PLAGL1: variants seen among roughly 807,000 people sequenced by gnomAD.
PLAGL1 encodes zinc finger protein PLAGL1.
Under a neutral mutation model 4.6 loss-of-function variants are expected in PLAGL1, and 1 was observed. The ratio of observed to expected loss-of-function variants is 0.22; its 90% CI spans 0.08 to 1.03. The LOEUF (loss-of-function observed/expected upper bound fraction) is 1.03. PLAGL1 is among the 50% of genes least tolerant of loss of function. The probability of loss-of-function intolerance (pLI) is 0.58; values close to 1 mark genes in which losing one functional copy is unlikely to be tolerated. For synonymous variants in PLAGL1, 240 were observed against 237.8 expected (o/e 1.01, Z -0.08); for missense variants, 464 against 570.4 (o/e 0.81, Z 1.90).
intron 1 of PLAGL1, among the ~76,000 whole-genome samples, chr6:144,054,744 G>A (rs547802775): frequency 7.6e-4 from 108 of 141,828 alleles, no homozygotes; most frequent in Non-Finnish European, 1.2e-3. Context: ...CATGTATCCC[G>A]GAGCATAAAA....
At chr6:144,010,105 C>T (rs368957021), upstream of PLAGL1, among the ~76,000 whole-genome samples, 5 of 152,132 alleles carry the variant, frequency 3.3e-5, no homozygotes, top group African/African-American at 4.8e-5. The surrounding 1 kb of genome is among the most constrained non-coding windows in gnomAD (Gnocchi z 4.1). Context: ...CTGTCTTCCA[C>T]GATGGTTGAA....
rs9496840 is a variant in PLAGL1, at chr6:144,022,671, A to G, written c.-151+41797T>C. On this transcript the variant is annotated intron_variant, in intron 1 of 3. Transcript: ENST00000437412. The surrounding 1 kb of genome is among the most constrained non-coding windows in gnomAD (Gnocchi z 4.2). ...TCACCAGATCTGATGGTTTTATGAA[A>G]GGGAGTTCCCTTGCACAAGCTCTCT... 0.84 allele frequency among the ~76,000 whole-genome samples: 127,110 copies of G among 152,156 alleles called. 53,195 individuals carry two copies. Among genetic ancestry groups the G allele is most frequent in the Non-Finnish European group, 0.87 (59,041 of 67,980 alleles).
In PLAGL1 at chr6:144,022,968, C is replaced by A. The variant is rs1247327810; in HGVS notation, c.-151+41500G>T. Among the ~76,000 whole-genome samples the A allele has an allele frequency of 1.3e-5, 2 of 152,132 alleles. No individual in the cohort carries two copies. On this transcript the variant is annotated intron_variant, in intron 1 of 3. Transcript: ENST00000437412. This position sits in a 1 kb window ranked among gnomAD's most constrained non-coding sequence, Gnocchi z 4.2. ...TTATAGCAGCTTTACTCATAATTGCCAAAAACTGGGAGCAACCACAATGTC... is the reference window on the plus strand; with the variant it reads ...TTATAGCAGCTTTACTCATAATTGCAAAAAACTGGGAGCAACCACAATGTC...
rs1417678423 is a variant in PLAGL1 at position 143,950,725 on chromosome 6, C to T, written c.-324-2265G>A. Among the ~76,000 whole-genome samples, 3 of 152,154 alleles carry T rather than the reference C, an allele frequency of 2.0e-5. No individual in the cohort carries two copies. Among genetic ancestry groups the T allele is most frequent in the East Asian group, 3.9e-4 (2 of 5,194 alleles). On this transcript the variant is annotated intron_variant, in intron 6 of 7. Transcript: ENST00000674357. This position sits in a 1 kb window ranked among gnomAD's most constrained non-coding sequence, Gnocchi z 6.3. ...ACCTACTTAACACCCTGCATATACA[C>T]TTTTCTCAACTTATCTCAGTAAGTT...
rs1323562625 is a variant in PLAGL1 at position 143,953,830 on chromosome 6, T to C, written c.-324-5370A>G. ...GCATCTACCATATGTCTCTGCAATT[T>C]GGTACAGTAGGTACTTCTGGAAGTG... On this transcript the variant is annotated intron_variant, in intron 6 of 7. Coordinates refer to ENST00000674357, the MANE Select transcript of PLAGL1 (RefSeq NM_001317162.2). This position sits in a 1 kb window ranked among gnomAD's most constrained non-coding sequence, Gnocchi z 5.3. Among the ~76,000 whole-genome samples, 1 of 152,222 alleles carries C rather than the reference T, an allele frequency of 6.6e-6. No individual in the cohort carries two copies. The highest frequency in any genetic ancestry group is 1.5e-5 in the Non-Finnish European group (1 of 68,028).
rs1404271721 is a variant in PLAGL1 at position 144,004,835 on chromosome 6, A to C, written c.-584+3255T>G. On this transcript the variant is annotated intron_variant, in intron 1 of 7. Transcript: ENST00000674357. The surrounding 1 kb of genome is among the most constrained non-coding windows in gnomAD (Gnocchi z 4.2). ...GGAAGTCTAACAGAAGTCTAATCAT[A>C]GCTCCTAAAGAATAGGACAAAAATG... 6.6e-6 allele frequency: 1 copy of C among 152,036 alleles called. No individual in the cohort carries two copies. Among genetic ancestry groups the C allele is most frequent in the Admixed American group, 6.6e-5 (1 of 15,266 alleles). The allele number at this position is 152,036 out of a possible 1,614,324, so 9.4% of individuals were successfully genotyped here.
At chr6:144,030,578 T>C (rs12529969) in intron 1 of PLAGL1, among the ~76,000 whole-genome samples, 22,824 of 152,194 alleles carry the variant, frequency 0.15, 2,011 homozygotes, top group Admixed American at 0.25. Flanking sequence ...CTTCCACATA[T>C]AAGTGAGAAC....
chr6:144,014,401 C>T (rs149460443), intron 1 of PLAGL1, among the ~76,000 whole-genome samples: 1,898 of 151,866 alleles, frequency 0.012, 27 homozygotes, highest in Non-Finnish European at 0.017. Context: ...TGCACTCCAG[C>T]CTAGGCGACA....
intron 1 of PLAGL1, among the ~76,000 whole-genome samples, chr6:143,996,693 C>T (rs565964398): frequency 4.1e-5 from 6 of 146,960 alleles, no homozygotes; most frequent in African/African-American, 7.6e-5. Flanking sequence ...ATGAGGTAGA[C>T]GAACAGAACA....
chr6:144,004,058 T>C lies in PLAGL1; in HGVS notation c.-584+4032A>G, dbSNP rs552581091. Among the ~76,000 whole-genome samples, 4 of 152,360 alleles carry C rather than the reference T, an allele frequency of 2.6e-5. No individual in the cohort carries two copies. The highest frequency in any genetic ancestry group is 1.5e-5 in the Non-Finnish European group (1 of 68,028). ...TATATATCCACATAATGTAATACCG[T>C]AGAAGAGGTGTCAATAAATTTTTTT... is the stretch of plus-strand genomic sequence containing the variant. On this transcript the variant is annotated intron_variant, in intron 1 of 7. Coordinates refer to ENST00000674357, the MANE Select transcript of PLAGL1 (RefSeq NM_001317162.2). This position sits in a 1 kb window ranked among gnomAD's most constrained non-coding sequence, Gnocchi z 4.2.
intron 1 of PLAGL1, among the ~76,000 whole-genome samples, chr6:144,001,440 T>C (rs1289391361): frequency 1.3e-5 from 2 of 151,918 alleles, no homozygotes; most frequent in African/African-American, 4.8e-5. Context: ...AAATGGAAAA[T>C]CACCATTAGA....
At chr6:143,943,079 G>T (rs1260422439) in intron 7 of PLAGL1, among the ~76,000 whole-genome samples, 1 of 122,628 alleles carries the variant, frequency 8.2e-6, no homozygotes, top group East Asian at 2.7e-4. Context: ...ACCCACGCTG[G>T]TCTCAAACTC....
intron 1 of PLAGL1, among the ~76,000 whole-genome samples, chr6:143,987,202 TTTTATTTA>T (rs552351803): frequency 1.1e-4 from 16 of 152,084 alleles, no homozygotes; most frequent in Middle Eastern, 3.4e-3. Flanking sequence ...TACTCAAGGC[TTTTATTTA>T]TTTATTTATT....
In PLAGL1 at chr6:144,000,846, A is replaced by C. The variant is rs1792702601; in HGVS notation, c.-584+7244T>G. Among the ~76,000 whole-genome samples, 1 of 152,170 alleles carries C rather than the reference A, an allele frequency of 6.6e-6. No homozygotes were observed. The highest frequency in any genetic ancestry group is 2.4e-5 in the African/African-American group (1 of 41,458). On this transcript the variant is annotated intron_variant, in intron 1 of 7. Transcript: ENST00000674357. The surrounding 1 kb of genome is among the most constrained non-coding windows in gnomAD (Gnocchi z 4.1). ...GCAAAGTTCTAAGAAATACTGGAAA[A>C]ACATCCTTTAAAATGTCAGATATTT...
chr6:144,004,072 A>G lies in PLAGL1; in HGVS notation c.-584+4018T>C, dbSNP rs982378360. Among the ~76,000 whole-genome samples the G allele has an allele frequency of 1.3e-5, 2 of 152,244 alleles. No homozygotes were observed. Among genetic ancestry groups the G allele is most frequent in the African/African-American group, 4.8e-5 (2 of 41,468 alleles). On this transcript the variant is annotated intron_variant, in intron 1 of 7. Transcript: ENST00000674357. This position sits in a 1 kb window ranked among gnomAD's most constrained non-coding sequence, Gnocchi z 4.2. ...ATGTAATACCGTAGAAGAGGTGTCA[A>G]TAAATTTTTTTCTGTAAATGGCCAC...
upstream of PLAGL1, among the ~76,000 whole-genome samples, chr6:144,009,688 GC>G (rs1342611072): frequency 7.3e-6 from 1 of 137,842 alleles, no homozygotes; most frequent in Non-Finnish European, 1.6e-5. Flanking sequence ...TCCCCAACAG[GC>G]CCCAGTGTGT....
intron 1 of PLAGL1, among the ~76,000 whole-genome samples, chr6:144,023,662 G>A (rs1796129457): frequency 6.6e-6 from 1 of 151,870 alleles, no homozygotes; most frequent in African/African-American, 2.4e-5. Flanking sequence ...GGTGGTGGGA[G>A]CTAGGTTTCT....
At position 144,061,887 on chromosome 6, in the gene PLAGL1, G is replaced by C. The variant is rs1020364128; in HGVS notation, c.-151+2581C>G. 6.6e-6 allele frequency among the ~76,000 whole-genome samples: 1 copy of C among 151,950 alleles called. No individual in the cohort carries two copies. Among genetic ancestry groups the C allele is most frequent in the Non-Finnish European group, 1.5e-5 (1 of 68,006 alleles). ...TTCCAACCTTCTGTAATTAACATGA[G>C]AACAAACCCCTACAACTTGAAAGTG... On this transcript the variant is annotated intron_variant, in intron 1 of 3. Coordinates refer to the PLAGL1 transcript ENST00000437412. This position sits in a 1 kb window ranked among gnomAD's most constrained non-coding sequence, Gnocchi z 4.4.
intron 1 of PLAGL1, among the ~76,000 whole-genome samples, chr6:144,002,998 A>C (rs1254844231): frequency 6.6e-6 from 1 of 152,122 alleles, no homozygotes; most frequent in Admixed American, 6.6e-5. Flanking sequence ...GAGGGTTTAC[A>C]ATACCATGTC....
Sources: allele counts gnomAD v4.1 joint callset (sites outside exome capture counted in the v4.1 genomes callset), GRCh38; gene constraint gnomAD v4.1.1; non-coding constraint Gnocchi (gnomAD v3.1); transcripts MANE v1.5; gene names NCBI Gene and HGNC (gene_info 2026-07-23, HGNC 2026-07-21).